Variants in ADGRG4 observed in about 807,000 individuals in gnomAD.
The protein encoded by ADGRG4 is adhesion G protein-coupled receptor G4.
ADGRG4 carries 122 observed loss-of-function variants against 126.2 expected under a neutral mutation model. The ratio of observed to expected loss-of-function variants is 0.97; its 90% CI spans 0.83 to 1.12. The LOEUF (loss-of-function observed/expected upper bound fraction) is 1.12, where lower values mean the gene tolerates loss of function less well. ADGRG4 is among the 50% of genes most tolerant of loss of function. ADGRG4 has a pLI of 0.00. For missense variants in ADGRG4, 2,481 were observed against 2,251.8 expected, an observed-to-expected ratio of 1.10 and a Z score of -2.06; for synonymous variants, 943 against 838.7, an observed-to-expected ratio of 1.12 and a Z score of -2.15.
chrX:136,405,920 A>G lies in ADGRG4; in HGVS notation c.8883A>G (p.Gly2961=), dbSNP rs1487503007. 3.5e-6 allele frequency: 4 copies of G among 1,148,111 alleles called. No homozygotes were observed. Among genetic ancestry groups the G allele is most frequent in the Admixed American group, 5.2e-5 (2 of 38,380 alleles). The allele number at this position is 1,148,111 out of a possible 1,213,427, so 94.6% of individuals were successfully genotyped here. ...GGGGGTTTGCATTTTTTGCTTGGGG[A>G]CCCATGAGGAACTTTTTCTTGTATT... ...LTWGFAFFAW[G]PMRNFFLYLF... The change falls in exon 23 of 26, where the codon GGA becomes GGG. Residue 2961 remains glycine (G), a synonymous_variant. Transcript: ENST00000394143.
chrX:136,383,813 C>CCCTT (rs2075275969), intron 15 of ADGRG4, among the ~76,000 whole-genome samples: 1 of 59,589 alleles, frequency 1.7e-5, no homozygotes, highest in Non-Finnish European at 3.2e-5. Context: ...TATATATTTG[C>CCCTT]CTTTCTTTCT....
At chrX:136,384,842 T>C (rs2075284777) in intron 15 of ADGRG4, among the ~76,000 whole-genome samples, 1 of 111,493 alleles carries the variant, frequency 9.0e-6, no homozygotes, top group African/African-American at 3.3e-5. Context: ...CTCTGGCTTT[T>C]TAAAATATTT....
chrX:136,374,899 A>G (rs952499228), intron 15 of ADGRG4, among the ~76,000 whole-genome samples: 1 of 110,718 alleles, frequency 9.0e-6, no homozygotes, highest in Admixed American at 9.6e-5. Context: ...CTTTATTGCA[A>G]TAGTTTTTGG....
rs186719390 is a variant in ADGRG4, at chrX:136,370,396, G to T, written c.7397-932G>T. Among the ~76,000 whole-genome samples the T allele has an allele frequency of 4.6e-3, 511 of 111,970 alleles. 5 individuals carry two copies. Among genetic ancestry groups the T allele is most frequent in the African/African-American group, 0.015 (473 of 30,933 alleles). On this transcript the variant is annotated intron_variant, in intron 13 of 25. Coordinates refer to ENST00000394143, the MANE Select transcript of ADGRG4 (RefSeq NM_153834.4). ...CTAAAATAGAATTTGTGCTGTATTCGTTTAACAAAGCTCTTCACTTTAAAA... is the reference window on the plus strand; with the variant it reads ...CTAAAATAGAATTTGTGCTGTATTCTTTTAACAAAGCTCTTCACTTTAAAA...
chrX:136,359,358 C>T lies in ADGRG4; in HGVS notation c.7047C>T (p.Ile2349=). 4 of 1,206,306 alleles carry T rather than the reference C, an allele frequency of 3.3e-6. No homozygotes were observed. Among genetic ancestry groups the T allele is most frequent in the South Asian group, 3.5e-5 (2 of 56,507 alleles). The change falls in exon 11 of 26, where the codon ATC becomes ATT. Residue 2349 remains isoleucine, a synonymous_variant. Transcript: ENST00000394143. ...SLASSELMRK[I]KSKIHGNFTH... Reference sequence around the variant, plus strand: ...CATCCTCTGAATTGATGAGAAAAATCAAAAGTAAAATACATGGCAACTTCA... The same window carrying T: ...CATCCTCTGAATTGATGAGAAAAATTAAAAGTAAAATACATGGCAACTTCA...
intron 1 of ADGRG4, among the ~76,000 whole-genome samples, chrX:136,301,405 A>C (rs1489070349): frequency 2.7e-5 from 3 of 112,133 alleles, no homozygotes; most frequent in African/African-American, 9.7e-5. Context: ...GTGTCTGTTC[A>C]TGTCCTTCAC....
Position 136,405,922 on chromosome X carries a change from C to A in ADGRG4, c.8885C>A (p.Pro2962His), listed in dbSNP as rs757481794. ...TWGFAFFAWG[P>H]MRNFFLYLFA... is the part of the protein sequence containing the mutation. ...GGGTTTGCATTTTTTGCTTGGGGAC[C>A]CATGAGGAACTTTTTCTTGTATTTG... Residue 2962 changes from proline to histidine, a missense_variant, in exon 23 of 26, where the codon CCC (proline) becomes CAC (histidine). By Grantham distance (77) the Pro-to-His change is moderately conservative. Coordinates refer to ENST00000394143, the MANE Select transcript of ADGRG4 (RefSeq NM_153834.4). 2 of 1,146,746 alleles carry A rather than the reference C, an allele frequency of 1.7e-6. No individual in the cohort carries two copies. Among genetic ancestry groups the A allele is most frequent in the South Asian group, 4.5e-5 (2 of 44,642 alleles). The allele number at this position is 1,146,746 out of a possible 1,213,427, so 94.5% of individuals were successfully genotyped here. A position where few individuals can be genotyped will look rare whatever the true frequency, so the allele number is the denominator to read the frequency against.
At chrX:136,327,299 G>T (rs1248605162) in intron 5 of ADGRG4, among the ~76,000 whole-genome samples, 2 of 110,787 alleles carry the variant, frequency 1.8e-5, no homozygotes, top group East Asian at 5.6e-4. Context: ...ATGGCACTGG[G>T]AGATATACCT....
chrX:136,330,681 T>C (rs960576495), intron 5 of ADGRG4, among the ~76,000 whole-genome samples: 4 of 111,626 alleles, frequency 3.6e-5, no homozygotes, highest in African/African-American at 1.3e-4. Context: ...TTAGTTTTTT[T>C]CTTAATTTAA....
intron 18 of ADGRG4, among the ~76,000 whole-genome samples, chrX:136,394,590 TC>T (rs900219065): frequency 8.9e-6 from 1 of 112,023 alleles, no homozygotes; most frequent in African/African-American, 3.2e-5. Context: ...ATGAGCTTTG[TC>T]CCCTACAACC....
At position 136,405,905 on chromosome X, in the gene ADGRG4, A is replaced by T; in HGVS notation, c.8868A>T (p.Ala2956=). Residue 2956 remains alanine (A), a synonymous_variant, in exon 23 of 26, where the codon GCA becomes GCT. Transcript: ENST00000394143. ...TACTTGGCCTCACCTGGGGGTTTGC[A>T]TTTTTTGCTTGGGGACCCATGAGGA... ...TFLLGLTWGF[A]FFAWGPMRNF... 2 of 1,181,085 alleles carry T rather than the reference A, an allele frequency of 1.7e-6. No homozygotes were observed. The highest frequency in any genetic ancestry group is 2.3e-6 in the Non-Finnish European group (2 of 879,169).
chrX:136,343,076 G>C (rs1420267127), intron 5 of ADGRG4, among the ~76,000 whole-genome samples: 15 of 110,158 alleles, frequency 1.4e-4, no homozygotes, highest in Non-Finnish European at 2.7e-4. Flanking sequence ...TGACTGGTTA[G>C]GGTGGTAAGT....
chrX:136,408,567 G>A (rs1207760900), intron 23 of ADGRG4, among the ~76,000 whole-genome samples: 2 of 112,194 alleles, frequency 1.8e-5, no homozygotes, highest in Admixed American at 9.4e-5. Flanking sequence ...TTTTATAGCT[G>A]TGTAGTATTC....
chrX:136,369,883 A>G lies in ADGRG4; in HGVS notation c.7397-1445A>G, dbSNP rs2075182418. On this transcript the variant is annotated intron_variant, in intron 13 of 25. Coordinates refer to ENST00000394143, the MANE Select transcript of ADGRG4 (RefSeq NM_153834.4). ...AGCCATTGTTGGACAAATTGGGGTA[A>G]TGGTTGGGGAGGAATTGAGAGGATC... is the stretch of plus-strand genomic sequence containing the variant. 2.7e-5 allele frequency among the ~76,000 whole-genome samples: 3 copies of G among 111,717 alleles called. No individual in the cohort carries two copies. In the South Asian group the frequency reaches 1.1e-3, roughly 42 times the overall value.
At chrX:136,355,526 T>G (rs1291117331) in intron 8 of ADGRG4, among the ~76,000 whole-genome samples, 1 of 111,517 alleles carries the variant, frequency 9.0e-6, no homozygotes, top group Non-Finnish European at 1.9e-5. Flanking sequence ...ATCTTAGAGC[T>G]TTACAGAAAT....
At chrX:136,355,676 T>C (rs1472874395) in intron 8 of ADGRG4, among the ~76,000 whole-genome samples, 2 of 112,182 alleles carry the variant, frequency 1.8e-5, no homozygotes, top group Non-Finnish European at 3.8e-5. Flanking sequence ...AAGATTCTCC[T>C]CTACATACTG....
At chrX:136,330,259 C>T (rs2074900532) in intron 5 of ADGRG4, among the ~76,000 whole-genome samples, 1 of 111,214 alleles carries the variant, frequency 9.0e-6, no homozygotes, top group Non-Finnish European at 1.9e-5. Context: ...TCCTTCCCAC[C>T]CTTTCCCCCT....
At chrX:136,386,712 G>A (rs2075294049) in intron 15 of ADGRG4, among the ~76,000 whole-genome samples, 1 of 111,977 alleles carries the variant, frequency 8.9e-6, no homozygotes, top group Admixed American at 9.5e-5. Context: ...AGGTAAGTGT[G>A]TCCACATATT....
At chrX:136,353,519 G>C (rs1268633011) in intron 8 of ADGRG4, 118 bp downstream of exon 8, 9 of 509,699 alleles carry the variant, frequency 1.8e-5, no homozygotes, top group Non-Finnish European at 3.0e-5. Context: ...CACATTTTTA[G>C]TTGCATCTTC....
Sources: gnomAD v4.1 joint callset for allele counts (sites outside exome capture counted in the v4.1 genomes callset) on GRCh38, gnomAD v4.1.1 for gene constraint, MANE v1.5 for transcripts, NCBI Gene and HGNC (gene_info 2026-07-23, HGNC 2026-07-21) for gene names.